Variants in ZNF333 observed in about 807,000 individuals in gnomAD.
The protein encoded by ZNF333 is zinc finger protein 333.
Under a neutral mutation model 76.1 loss-of-function variants are expected in ZNF333, and 61 were observed. The ratio of observed to expected loss-of-function variants is 0.80; its 90% CI spans 0.65 to 0.99. ZNF333 has a LOEUF of 0.99. Ranked by LOEUF, ZNF333 falls within the 50% of genes least tolerant of loss-of-function variation. The probability of loss-of-function intolerance (pLI) is 0.00; values close to 1 mark genes in which losing one functional copy is unlikely to be tolerated. For synonymous variants in ZNF333, 284 were observed against 305.0 expected, an observed-to-expected ratio of 0.93 and a Z score of 0.72; for missense variants, 717 against 822.4, an observed-to-expected ratio of 0.87 and a Z score of 1.57.
At chr19:14,705,939 C>T (rs186008423) in intron 6 of ZNF333, among the ~76,000 whole-genome samples, 5 of 152,302 alleles carry the variant, frequency 3.3e-5, no homozygotes, top group African/African-American at 9.6e-5. Flanking sequence ...TGCTGTAAGG[C>T]ACGTCCTGAG....
Position 14,706,902 on chromosome 19 carries a change from A to G in ZNF333, c.511+129A>G, listed in dbSNP as rs556810159. On this transcript the variant is annotated intron_variant, in intron 7 of 11. Transcript: ENST00000292530. ...GCACTGCCGTGGCACCATAGAGAGGATACAGAAGGCCTCTCTCATTATTTG... is the reference window on the plus strand; with the variant it reads ...GCACTGCCGTGGCACCATAGAGAGGGTACAGAAGGCCTCTCTCATTATTTG... The G allele has an allele frequency of 8.0e-4, 549 of 682,032 alleles. 11 individuals are homozygous for G. In the South Asian group the frequency reaches 9.0e-3, roughly 11 times the overall value. 42.2% of individuals were successfully genotyped at this position (682,032 alleles called of 1,614,324 possible).
downstream of ZNF333, among the ~76,000 whole-genome samples, chr19:14,722,863 G>T (rs966484396): frequency 6.6e-6 from 1 of 152,154 alleles, no homozygotes; most frequent in African/African-American, 2.4e-5. Context: ...TTGGCTTACC[G>T]CAACCTCCGC....
At chr19:14,690,707 A>G (rs528904331) in intron 1 of ZNF333, among the ~76,000 whole-genome samples, 4 of 152,310 alleles carry the variant, frequency 2.6e-5, no homozygotes, top group South Asian at 2.1e-4. Context: ...GAGACTGACA[A>G]TTTGAAGTCT....
chr19:14,723,647 T>G (rs896764649), downstream of ZNF333, among the ~76,000 whole-genome samples: 12 of 152,196 alleles, frequency 7.9e-5, no homozygotes, highest in African/African-American at 2.9e-4. Flanking sequence ...CCTTTTTGGG[T>G]TGTTCATTGT....
intron 2 of ZNF333, among the ~76,000 whole-genome samples, chr19:14,693,975 GTC>G (rs139768065): frequency 0.038 from 3,481 of 91,292 alleles, 65 homozygotes; most frequent in East Asian, 0.14. Context: ...GTAAAACCTT[GTC>G]TCTAAAAAAA....
At chr19:14,705,714 G>T (rs2042090436) in intron 6 of ZNF333, among the ~76,000 whole-genome samples, 1 of 152,232 alleles carries the variant, frequency 6.6e-6, no homozygotes, top group South Asian at 2.1e-4. Flanking sequence ...GAGCATCCAT[G>T]CCTGAGCTCC....
At chr19:14,732,762 T>C (rs2042684948) in exon 12 of ZNF333, 2 of 152,270 alleles carry the variant, frequency 1.3e-5, no homozygotes, top group Admixed American at 6.5e-5. Context: ...TGATTGTCTA[T>C]AGCTGTTTTC....
At chr19:14,718,123 A>G in intron 11 of ZNF333, 105 bp from the exon 12 acceptor site, 2 of 1,441,598 alleles carry the variant, frequency 1.4e-6, no homozygotes, top group Non-Finnish European at 1.8e-6. Context: ...AAATGGTAAA[A>G]GTATCAGATA....
intron 1 of ZNF333, among the ~76,000 whole-genome samples, chr19:14,691,524 T>C (rs1266977974): frequency 6.6e-6 from 1 of 152,194 alleles, no homozygotes; most frequent in Non-Finnish European, 1.5e-5. Flanking sequence ...AGTGAGGTGT[T>C]TGTTTCCACA....
At chr19:14,706,479 C>T (rs1599721797) in intron 6 of ZNF333, 4 of 567,188 alleles carry the variant, frequency 7.1e-6, no homozygotes, top group African/African-American at 3.8e-5. Context: ...GCCTGGGTGC[C>T]CTCTCTCCAG....
chr19:14,691,865 C>T (rs371852004), intron 1 of ZNF333, among the ~76,000 whole-genome samples: 3 of 151,788 alleles, frequency 2.0e-5, no homozygotes, highest in Non-Finnish European at 4.4e-5. Flanking sequence ...TTAGTAGAGA[C>T]GGGGTTTCAC....
chr19:14,690,999 A>G (rs1972725346), intron 1 of ZNF333, among the ~76,000 whole-genome samples: 1 of 152,200 alleles, frequency 6.6e-6, no homozygotes, highest in East Asian at 1.9e-4. Flanking sequence ...AGGCTGAGGC[A>G]GGAGAATCGC....
rs112006734 is a variant in ZNF333 at position 14,718,001 on chromosome 19, A to C, written c.901-227A>C. ...AATTTAGCCTTACACAAATTGGAAAAATTCTGCATCTAAGAAGCTGCATGA... is the reference window on the plus strand; with the variant it reads ...AATTTAGCCTTACACAAATTGGAAACATTCTGCATCTAAGAAGCTGCATGA... On this transcript the variant is annotated intron_variant, in intron 11 of 11. Transcript: ENST00000292530. 2.9e-3 allele frequency among the ~76,000 whole-genome samples: 448 copies of C among 152,346 alleles called. 3 individuals are homozygous for C. The highest frequency in any genetic ancestry group is 0.01 in the African/African-American group (434 of 41,576).
chr19:14,705,181 G>A lies in ZNF333; in HGVS notation c.423+11G>A, dbSNP rs1394299963. On this transcript the variant is annotated intron_variant, in intron 6 of 11. Coordinates refer to ENST00000292530, the MANE Select transcript of ZNF333 (RefSeq NM_032433.4). The stretch of plus-strand genomic sequence containing the variant: ...TCTCTGGGATGCACGGTAAGCCTGG[G>A]AGAGGTTCACTGTGATGGCACCAGG... 1.9e-6 allele frequency: 3 copies of A among 1,611,138 alleles called. No homozygotes were observed. In the Admixed American group the frequency reaches 5.0e-5, roughly 27 times the overall value.
At chr19:14,724,854 C>T (rs751683232), downstream of ZNF333, among the ~76,000 whole-genome samples, 6 of 152,092 alleles carry the variant, frequency 3.9e-5, no homozygotes, top group Non-Finnish European at 5.9e-5. Flanking sequence ...TAATTCTTTC[C>T]GTGAAAATAT....
intron 4 of ZNF333, among the ~76,000 whole-genome samples, chr19:14,698,490 A>G (rs1973393248): frequency 6.6e-6 from 1 of 151,590 alleles, no homozygotes; most frequent in South Asian, 2.1e-4. Context: ...GGTTGCAGTG[A>G]GCCAAGATCG....
chr19:14,706,365 T>G (rs922388925), intron 6 of ZNF333: 6 of 401,228 alleles, frequency 1.5e-5, no homozygotes, highest in African/African-American at 1.2e-4. Context: ...AAACTCCATC[T>G]TCCCTCCACC....
exon 12 of ZNF333, chr19:14,731,344 C>T: frequency 1.4e-6 from 1 of 701,132 alleles, no homozygotes; most frequent in Admixed American, 2.5e-5. Context: ...ACTTCCAGTT[C>T]CGTGACATCC....
At position 14,718,655 on chromosome 19, in the gene ZNF333, A is replaced by G; in HGVS notation, c.1328A>G (p.Asn443Ser). 1 of 1,613,860 alleles carries G rather than the reference A, an allele frequency of 6.2e-7. No homozygotes were observed. Among genetic ancestry groups the G allele is most frequent in the Non-Finnish European group, 8.5e-7 (1 of 1,180,016 alleles). The part of the protein sequence containing the change: ...RNFNLILHQR[N>S]HTGEKPYECK... The stretch of plus-strand genomic sequence containing the variant: ...TTTAACCTGATTTTGCACCAGAGAA[A>G]CCACACAGGAGAGAAGCCCTACGAG... The change falls in exon 12 of 12, where the codon AAC becomes AGC. Residue 443 changes from asparagine to serine, a missense_variant. By Grantham distance (46) the Asn-to-Ser change is conservative. Transcript: ENST00000292530.
Sources: allele counts gnomAD v4.1 joint callset (sites outside exome capture counted in the v4.1 genomes callset), GRCh38; gene constraint gnomAD v4.1.1; transcripts MANE v1.5; gene names NCBI Gene and HGNC (gene_info 2026-07-23, HGNC 2026-07-21).